LMX1A: variants seen among roughly 807,000 people sequenced by gnomAD.
The protein encoded by LMX1A is LIM homeobox transcription factor 1-alpha.
Under a neutral mutation model 49.1 loss-of-function variants are expected in LMX1A, and 15 were observed. The ratio of observed to expected loss-of-function variants is 0.31; its 90% confidence interval spans 0.20 to 0.47. The LOEUF is 0.47. LMX1A is among the 20% of genes least tolerant of loss of function. The probability of loss-of-function intolerance (pLI) is 1.00; values close to 1 mark genes in which losing one functional copy is unlikely to be tolerated. For missense variants in LMX1A, 372 were observed against 475.8 expected, an observed-to-expected ratio of 0.78 and a Z score of 2.03; for synonymous variants, 167 against 185.7, an observed-to-expected ratio of 0.90 and a Z score of 0.82.
At chr1:165,297,262 A>G (rs1654644616) in intron 3 of LMX1A, among the ~76,000 whole-genome samples, 1 of 152,278 alleles carries the variant, frequency 6.6e-6, no homozygotes, top group Non-Finnish European at 1.5e-5. Context: ...CTACCCTAGC[A>G]GCACATTAGA....
chr1:165,344,552 G>C (rs888528004), intron 3 of LMX1A, among the ~76,000 whole-genome samples: 1 of 152,240 alleles, frequency 6.6e-6, no homozygotes, highest in South Asian at 2.1e-4. Flanking sequence ...CTTTGGAAAG[G>C]AGGCTGAAAT....
intron 3 of LMX1A, among the ~76,000 whole-genome samples, chr1:165,305,948 T>C (rs780984905): frequency 2.6e-5 from 4 of 152,038 alleles, no homozygotes; most frequent in South Asian, 2.1e-4. Flanking sequence ...TTTCCATCCA[T>C]AGGAGCCCGG....
In LMX1A at chr1:165,343,444, T is replaced by C. The variant is rs138500889; in HGVS notation, c.263+9632A>G. Among the ~76,000 whole-genome samples, 389 of 151,572 alleles carry C rather than the reference T, an allele frequency of 2.6e-3. 2 individuals carry two copies. The highest frequency in any genetic ancestry group is 3.2e-3 in the Non-Finnish European group (219 of 67,928). ...TAATAATAATAATAACACCCAATCC[T>C]GTAGAGTACTCTACACTTTACCAAA... On this transcript the variant is annotated intron_variant, in intron 3 of 8. Transcript: ENST00000342310.
intron 3 of LMX1A, among the ~76,000 whole-genome samples, chr1:165,277,033 C>A (rs998711533): frequency 6.6e-6 from 1 of 152,198 alleles, no homozygotes; most frequent in Non-Finnish European, 1.5e-5. Context: ...AGCTTCAAGA[C>A]AAGGAACAAC....
At chr1:165,332,423 T>C (rs1655774595) in intron 3 of LMX1A, among the ~76,000 whole-genome samples, 1 of 152,114 alleles carries the variant, frequency 6.6e-6, no homozygotes, top group Non-Finnish European at 1.5e-5. Flanking sequence ...AAAACAAAGA[T>C]TAGGAATAAG....
chr1:165,298,949 T>C (rs1049023326), intron 3 of LMX1A, among the ~76,000 whole-genome samples: 15 of 152,268 alleles, frequency 9.9e-5, no homozygotes, highest in African/African-American at 3.6e-4. Context: ...TGTTATATAC[T>C]AAGCTGTCTT....
chr1:165,231,293 T>TG (rs1014240685), intron 4 of LMX1A, among the ~76,000 whole-genome samples: 1 of 145,064 alleles, frequency 6.9e-6, no homozygotes, highest in Non-Finnish European at 1.5e-5. Context: ...CTGGCTTAGT[T>TG]TTTTTTTTTT....
chr1:165,278,628 C>T (rs368335894), intron 3 of LMX1A, among the ~76,000 whole-genome samples: 5 of 152,278 alleles, frequency 3.3e-5, no homozygotes, highest in African/African-American at 7.2e-5. Context: ...CCATAAACCC[C>T]GGGGACAGCC....
chr1:165,227,544 A>AATACATATGTAC (rs571321622), intron 4 of LMX1A, among the ~76,000 whole-genome samples: 11 of 109,080 alleles, frequency 1.0e-4, no homozygotes, highest in Admixed American at 2.7e-4. Flanking sequence ...CTATCTCAAT[A>AATACATATGTAC]ATACATACGT....
At chr1:165,205,156 T>C (rs1266519618) in intron 8 of LMX1A, among the ~76,000 whole-genome samples, 1 of 152,176 alleles carries the variant, frequency 6.6e-6, no homozygotes, top group Admixed American at 6.5e-5. Flanking sequence ...ATGCATTACA[T>C]ACAACACTAA....
intron 3 of LMX1A, among the ~76,000 whole-genome samples, chr1:165,337,998 A>G (rs1282001021): frequency 1.3e-5 from 2 of 151,898 alleles, no homozygotes; most frequent in African/African-American, 4.8e-5. Context: ...CCTTATGCAC[A>G]ATTTAACATC....
At chr1:165,308,416 T>C (rs1452215170) in intron 3 of LMX1A, among the ~76,000 whole-genome samples, 1 of 152,220 alleles carries the variant, frequency 6.6e-6, no homozygotes, top group African/African-American at 2.4e-5. Context: ...TCTATATACA[T>C]TTTAGATACC....
At chr1:165,328,875 T>C (rs1655660371) in intron 3 of LMX1A, among the ~76,000 whole-genome samples, 1 of 152,166 alleles carries the variant, frequency 6.6e-6, no homozygotes, top group African/African-American at 2.4e-5. Context: ...GCAATTTATC[T>C]CTCTGGAGCA....
At chr1:165,266,672 G>T (rs1168021648) in intron 3 of LMX1A, among the ~76,000 whole-genome samples, 1 of 134,862 alleles carries the variant, frequency 7.4e-6, no homozygotes, top group East Asian at 2.2e-4. Flanking sequence ...CGCGATCTTG[G>T]CTCACTGCCA....
intron 3 of LMX1A, among the ~76,000 whole-genome samples, chr1:165,307,631 A>C (rs1162119094): frequency 6.6e-6 from 1 of 152,214 alleles, no homozygotes; most frequent in Non-Finnish European, 1.5e-5. Context: ...ATTCACTCCC[A>C]TAACCTCCAA....
chr1:165,275,945 G>A (rs73013425), intron 3 of LMX1A, among the ~76,000 whole-genome samples: 5 of 151,618 alleles, frequency 3.3e-5, no homozygotes, highest in Admixed American at 3.3e-4. Flanking sequence ...AGCAGACTGG[G>A]GCTAGGCAAG....
intron 3 of LMX1A, 145 bp from the exon 4 acceptor site, chr1:165,249,785 A>G: frequency 1.5e-6 from 1 of 657,098 alleles, no homozygotes; most frequent in Non-Finnish European, 2.7e-6. Flanking sequence ...CAGGTTATTT[A>G]TTCCCTAAGG....
chr1:165,254,039 G>A (rs1189269373), intron 3 of LMX1A, among the ~76,000 whole-genome samples: 1 of 152,060 alleles, frequency 6.6e-6, no homozygotes, highest in Non-Finnish European at 1.5e-5. Flanking sequence ...CCAGGAGCTG[G>A]TCAAAGGCCC....
chr1:165,259,329 C>T (rs1342872303), intron 3 of LMX1A, among the ~76,000 whole-genome samples: 5 of 152,210 alleles, frequency 3.3e-5, no homozygotes, highest in Admixed American at 2.0e-4. Context: ...TTGACACTGG[C>T]CACGAGTGTT....
Sources: allele counts gnomAD v4.1 joint callset (sites outside exome capture counted in the v4.1 genomes callset), GRCh38; gene constraint gnomAD v4.1.1; transcripts MANE v1.5; gene names NCBI Gene and HGNC (gene_info 2026-07-23, HGNC 2026-07-21).